BMPR1B: variants seen among roughly 807,000 people sequenced by gnomAD.
The protein encoded by BMPR1B is bone morphogenetic protein receptor type 1B, also known as bone morphogenetic protein receptor type-1B.
Under a neutral mutation model 59.1 loss-of-function variants are expected in BMPR1B, and 12 were observed. That is an observed-to-expected ratio of 0.20 (90% confidence interval 0.13 to 0.33). The LOEUF is 0.33. BMPR1B is among the 10% of genes least tolerant of loss of function. The pLI is 1.00. For synonymous variants in BMPR1B, 237 were observed against 207.3 expected, an observed-to-expected ratio of 1.14 and a Z score of -1.23; for missense variants, 550 against 610.9, an observed-to-expected ratio of 0.90 and a Z score of 1.05.
At chr4:94,944,775 C>T (rs1457019250) in intron 2 of BMPR1B, among the ~76,000 whole-genome samples, 3 of 152,140 alleles carry the variant, frequency 2.0e-5, no homozygotes, top group Non-Finnish European at 4.4e-5. Context: ...TATTGTAATG[C>T]TACCATAATG....
intron 3 of BMPR1B, among the ~76,000 whole-genome samples, chr4:95,047,626 G>A: frequency 6.6e-6 from 1 of 152,246 alleles, no homozygotes; most frequent in African/African-American, 2.4e-5. Context: ...CTCCTTGGAA[G>A]CAAGTCACTA....
rs547108378 is a variant in BMPR1B, at chr4:95,139,214, A to T, written c.1076+7702A>T. Among the ~76,000 whole-genome samples the T allele has an allele frequency of 2.6e-5, 4 of 152,294 alleles. No homozygotes were observed. In the South Asian group the frequency reaches 6.2e-4, roughly 24 times the overall value. Reference sequence around the variant, plus strand: ...CTGTTTGCCTGGGTATCACCAGCGGAGGCTGCAGAACAGCAAATATTGCAG... The same window carrying T: ...CTGTTTGCCTGGGTATCACCAGCGGTGGCTGCAGAACAGCAAATATTGCAG... On this transcript the variant is annotated intron_variant, in intron 10 of 12. Coordinates refer to ENST00000515059, the MANE Select transcript of BMPR1B (RefSeq NM_001203.3).
Position 95,023,872 on chromosome 4 carries a change from C to T in BMPR1B, c.-18+27738C>T, listed in dbSNP as rs74592353. 4.1e-4 allele frequency among the ~76,000 whole-genome samples: 62 copies of T among 152,242 alleles called. No individual in the cohort carries two copies. In the East Asian group the frequency reaches 0.01, roughly 25 times the overall value. ...TGTACAGTATCTTATAGGTTACAAG[C>T]TTTCACATAATATGTCATTTGTTCA... On this transcript the variant is annotated intron_variant, in intron 3 of 12. Coordinates refer to ENST00000515059, the MANE Select transcript of BMPR1B (RefSeq NM_001203.3).
At chr4:94,790,269 A>C (rs1722927566) in intron 1 of BMPR1B, among the ~76,000 whole-genome samples, 1 of 152,166 alleles carries the variant, frequency 6.6e-6, no homozygotes, top group African/African-American at 2.4e-5. Context: ...TAAGGTTAAT[A>C]ATTTTTGACT....
chr4:94,963,831 A>G (rs1334729354), intron 2 of BMPR1B, among the ~76,000 whole-genome samples: 1 of 152,048 alleles, frequency 6.6e-6, no homozygotes, highest in African/African-American at 2.4e-5. Flanking sequence ...TTGTGGTTCC[A>G]TGTAAATTTT....
intron 1 of BMPR1B, among the ~76,000 whole-genome samples, chr4:94,795,408 T>C (rs1723148290): frequency 6.6e-6 from 1 of 151,574 alleles, no homozygotes; most frequent in Non-Finnish European, 1.5e-5. Context: ...GATGTGCTGC[T>C]GAATTCAGAA....
chr4:94,872,051 T>C (rs746490049), intron 1 of BMPR1B, among the ~76,000 whole-genome samples: 3 of 152,242 alleles, frequency 2.0e-5, no homozygotes, highest in Non-Finnish European at 4.4e-5. Context: ...GTCTTAATGC[T>C]ATCTTTATAA....
intron 1 of BMPR1B, among the ~76,000 whole-genome samples, chr4:94,826,219 A>G (rs1383557924): frequency 1.3e-5 from 2 of 152,224 alleles, no homozygotes; most frequent in Non-Finnish European, 2.9e-5. Context: ...CTGCCTAGAG[A>G]TCTTACTTGA....
chr4:94,912,816 A>C (rs1728336690), intron 2 of BMPR1B, among the ~76,000 whole-genome samples: 1 of 152,144 alleles, frequency 6.6e-6, no homozygotes, highest in African/African-American at 2.4e-5. Context: ...GAGTGTTATT[A>C]CAACTAGCCG....
At chr4:94,872,303 A>C (rs1470794842) in intron 1 of BMPR1B, among the ~76,000 whole-genome samples, 1 of 152,222 alleles carries the variant, frequency 6.6e-6, no homozygotes, top group Non-Finnish European at 1.5e-5. Context: ...CAAAGCTTTC[A>C]AGTGCAAACT....
At chr4:94,906,025 G>T (rs1019079931) in intron 2 of BMPR1B, among the ~76,000 whole-genome samples, 1 of 151,192 alleles carries the variant, frequency 6.6e-6, no homozygotes, top group Admixed American at 6.6e-5. Context: ...TGATTTTAAA[G>T]AAGTATTTCT....
At chr4:94,848,836 G>A (rs1412134481) in intron 1 of BMPR1B, among the ~76,000 whole-genome samples, 1 of 152,080 alleles carries the variant, frequency 6.6e-6, no homozygotes, top group Non-Finnish European at 1.5e-5. Context: ...AAATAGAAAG[G>A]ATTTTATTTA....
At chr4:95,075,973 C>G (rs921928265) in intron 3 of BMPR1B, among the ~76,000 whole-genome samples, 11 of 152,216 alleles carry the variant, frequency 7.2e-5, no homozygotes, top group Non-Finnish European at 1.2e-4. Flanking sequence ...AGAGAAGACC[C>G]AGGCATTGAA....
intron 1 of BMPR1B, among the ~76,000 whole-genome samples, chr4:94,779,519 A>G (rs984984667): frequency 2.6e-5 from 4 of 152,168 alleles, no homozygotes; most frequent in Non-Finnish European, 4.4e-5. Flanking sequence ...TAGATTTTAT[A>G]TATACATTTA....
chr4:95,113,422 T>C (rs1731773047), intron 4 of BMPR1B, among the ~76,000 whole-genome samples: 1 of 152,170 alleles, frequency 6.6e-6, no homozygotes, highest in Non-Finnish European at 1.5e-5. Context: ...TGATAATAAC[T>C]GAAGGGCTAA....
At chr4:95,046,405 T>A (rs904507907) in intron 3 of BMPR1B, among the ~76,000 whole-genome samples, 1 of 152,196 alleles carries the variant, frequency 6.6e-6, no homozygotes, top group African/African-American at 2.4e-5. Context: ...AGGAAATTAC[T>A]GACATTTTCT....
chr4:94,855,962 C>A (rs970411554), intron 1 of BMPR1B, among the ~76,000 whole-genome samples: 1 of 152,076 alleles, frequency 6.6e-6, no homozygotes, highest in Non-Finnish European at 1.5e-5. Flanking sequence ...AATAAAACTT[C>A]GAATAACTTT....
At chr4:94,867,977 A>G (rs1257978812) in intron 1 of BMPR1B, among the ~76,000 whole-genome samples, 2 of 146,934 alleles carry the variant, frequency 1.4e-5, no homozygotes, top group Non-Finnish European at 3.0e-5. Context: ...TCCCAAGTAC[A>G]TGGGACTATA....
intron 3 of BMPR1B, among the ~76,000 whole-genome samples, chr4:95,068,529 C>A (rs549440747): frequency 2.6e-5 from 4 of 152,268 alleles, no homozygotes; most frequent in Admixed American, 2.6e-4. Context: ...TGATGCAGCA[C>A]ATGGGATGCT....
Sources: gnomAD v4.1 joint callset for allele counts (sites outside exome capture counted in the v4.1 genomes callset) on GRCh38, gnomAD v4.1.1 for gene constraint, MANE v1.5 for transcripts, NCBI Gene and HGNC (gene_info 2026-07-23, HGNC 2026-07-21) for gene names.